C12orf54: variants seen among roughly 807,000 people sequenced by gnomAD.
The protein encoded by C12orf54 is uncharacterized protein C12orf54.
C12orf54 carries 24 observed loss-of-function variants against 26.4 expected under a neutral mutation model. The ratio of observed to expected loss-of-function variants is 0.91; its 90% CI spans 0.66 to 1.28. The LOEUF (loss-of-function observed/expected upper bound fraction) is 1.28. C12orf54 is among the 50% of genes most tolerant of loss of function. The pLI, the probability that C12orf54 is intolerant of heterozygous loss-of-function variation, is 0.00. For missense variants in C12orf54, 154 were observed against 150.9 expected, an observed-to-expected ratio of 1.02 and a Z score of -0.11; for synonymous variants, 54 against 47.0, an observed-to-expected ratio of 1.15 and a Z score of -0.61.
At chr12:48,491,523 G>C (rs1322094090) in intron 6 of C12orf54, among the ~76,000 whole-genome samples, 1 of 152,186 alleles carries the variant, frequency 6.6e-6, no homozygotes, top group Non-Finnish European at 1.5e-5. Context: ...AATGGTTGTT[G>C]AGGGCCTGAG....
the C12orf54 span, among the ~76,000 whole-genome samples, chr12:48,441,236 C>T: frequency 6.6e-6 from 1 of 152,188 alleles, no homozygotes. Flanking sequence ...TCTAGGATAA[C>T]TCTAGTGATC....
chr12:48,476,861 T>C, the C12orf54 span, among the ~76,000 whole-genome samples: 4 of 152,196 alleles, frequency 2.6e-5, no homozygotes, highest in African/African-American at 9.6e-5. Context: ...AACAAGGATA[T>C]CGAGGAATTG....
At chr12:48,438,939 A>C in the C12orf54 span, among the ~76,000 whole-genome samples, 1 of 152,164 alleles carries the variant, frequency 6.6e-6, no homozygotes, top group Non-Finnish European at 1.5e-5. Context: ...TCTGCACAGC[A>C]AAAGAAACTA....
At chr12:48,478,969 G>T (rs1954171945), upstream of C12orf54, among the ~76,000 whole-genome samples, 1 of 152,098 alleles carries the variant, frequency 6.6e-6, no homozygotes, top group Non-Finnish European at 1.5e-5. Context: ...GATTCCTCAG[G>T]GATCTAGAAC....
the C12orf54 span, among the ~76,000 whole-genome samples, chr12:48,424,236 G>A: frequency 6.6e-6 from 1 of 152,004 alleles, no homozygotes; most frequent in African/African-American, 2.4e-5. Context: ...AATATTGCTG[G>A]ATTTCACTTG....
intron 4 of C12orf54, chr12:48,487,744 T>G: frequency 3.4e-6 from 1 of 295,584 alleles, no homozygotes; most frequent in Non-Finnish European, 6.4e-6. Flanking sequence ...TATATACAAA[T>G]TGAAACTCCT....
chr12:48,427,243 G>A, the C12orf54 span, among the ~76,000 whole-genome samples: 1 of 152,058 alleles, frequency 6.6e-6, no homozygotes, highest in African/African-American at 2.4e-5. Context: ...TTATTTTGAG[G>A]AATGTTCATT....
the C12orf54 span, among the ~76,000 whole-genome samples, chr12:48,422,477 A>G: frequency 1.3e-5 from 2 of 152,330 alleles, no homozygotes; most frequent in Non-Finnish European, 1.5e-5. Context: ...GAACTCTAGA[A>G]GAGTTTTGGA....
the C12orf54 span, among the ~76,000 whole-genome samples, chr12:48,427,438 T>C: frequency 6.6e-6 from 1 of 152,152 alleles, no homozygotes; most frequent in Non-Finnish European, 1.5e-5. Context: ...TACTCGATTG[T>C]GGTGGATTCG....
At chr12:48,478,761 A>G (rs1954169951), upstream of C12orf54, among the ~76,000 whole-genome samples, 1 of 152,228 alleles carries the variant, frequency 6.6e-6, no homozygotes, top group Admixed American at 6.5e-5. Context: ...AAACACATGA[A>G]AAAATGCTCA....
the C12orf54 span, among the ~76,000 whole-genome samples, chr12:48,463,659 A>G: frequency 6.6e-6 from 1 of 152,094 alleles, no homozygotes; most frequent in Admixed American, 6.6e-5. Context: ...TCCTTGATGA[A>G]CATCAGTGCA....
chr12:48,444,286 A>G, the C12orf54 span, among the ~76,000 whole-genome samples: 22,802 of 152,180 alleles, frequency 0.15, 2,961 homozygotes, highest in East Asian at 0.66. Context: ...TGAGAACATC[A>G]CATCATTGGC....
the C12orf54 span, among the ~76,000 whole-genome samples, chr12:48,463,851 G>A: frequency 6.6e-6 from 1 of 152,034 alleles, no homozygotes; most frequent in South Asian, 2.1e-4. Context: ...CTCAATAGAT[G>A]CAGAAAAGGC....
intron 8 of C12orf54, chr12:48,495,504 T>G (rs7971556): frequency 2.0e-5 from 3 of 152,744 alleles, no homozygotes; most frequent in African/African-American, 7.2e-5. Context: ...AGGCACTGTT[T>G]AAGTGACAGG....
upstream of C12orf54, chr12:48,482,459 G>T (rs1954207981): frequency 6.6e-6 from 1 of 152,248 alleles, no homozygotes; most frequent in Non-Finnish European, 1.5e-5. Context: ...AAGTCACAAA[G>T]TATTGAAAAT....
At chr12:48,454,248 C>A in the C12orf54 span, among the ~76,000 whole-genome samples, 1 of 152,048 alleles carries the variant, frequency 6.6e-6, no homozygotes, top group Non-Finnish European at 1.5e-5. Context: ...CAGGCATACA[C>A]CACCACATCC....
chr12:48,488,075 C>T lies in C12orf54; in HGVS notation c.136-849C>T, dbSNP rs1028751867. 2.1e-5 allele frequency: 20 copies of T among 951,010 alleles called. No homozygotes were observed. The Admixed American group carries it at 2.9e-4, about 14-fold the overall frequency. 58.9% of individuals were successfully genotyped at this position (951,010 alleles called of 1,614,324 possible). A position where few individuals can be genotyped will look rare whatever the true frequency, so the allele number is the denominator to read the frequency against. ...CAGACAAGAATGTGCCCATCCTTCACATCATGAAGGCCATGCAGTCTCTCA... is the reference window on the plus strand; with the variant it reads ...CAGACAAGAATGTGCCCATCCTTCATATCATGAAGGCCATGCAGTCTCTCA... On this transcript the variant is annotated intron_variant, in intron 4 of 8. Transcript: ENST00000548364.
chr12:48,433,150 CA>C, the C12orf54 span, among the ~76,000 whole-genome samples: 1 of 152,168 alleles, frequency 6.6e-6, no homozygotes, highest in South Asian at 2.1e-4. Context: ...TGACCTTTAT[CA>C]AAATACCTGT....
chr12:48,436,516 A>T, the C12orf54 span, among the ~76,000 whole-genome samples: 2 of 152,086 alleles, frequency 1.3e-5, no homozygotes, highest in Non-Finnish European at 2.9e-5. Flanking sequence ...GAAGTAAAGC[A>T]CTCCTCAGCA....
Sources: allele counts gnomAD v4.1 joint callset (sites outside exome capture counted in the v4.1 genomes callset), GRCh38; gene constraint gnomAD v4.1.1; transcripts MANE v1.5; gene names NCBI Gene and HGNC (gene_info 2026-07-23, HGNC 2026-07-21).